The following RIMS2 variants were observed in gnomAD, a reference collection of about 807,000 sequenced individuals.
The protein encoded by RIMS2 is regulating synaptic membrane exocytosis protein 2.
A neutral mutation model predicts 174.4 loss-of-function variants in RIMS2; 59 were observed. The ratio of observed to expected loss-of-function variants is 0.34; its 90% CI spans 0.27 to 0.42. The LOEUF (loss-of-function observed/expected upper bound fraction) is 0.42. Among genes scored for constraint, RIMS2 ranks in the 10% least tolerant of loss-of-function variants. The pLI is 1.00. For synonymous variants in RIMS2, 606 were observed against 572.5 expected (o/e 1.06, Z -0.84); for missense variants, 1,620 against 1,666.3 (o/e 0.97, Z 0.48).
intron 19 of RIMS2, among the ~76,000 whole-genome samples, chr8:104,031,651 C>A (rs1177156177): frequency 6.6e-6 from 1 of 151,970 alleles, no homozygotes; most frequent in African/African-American, 2.4e-5. Context: ...TTCTGATAAG[C>A]CCTGATTATT....
chr8:103,884,920 G>A (rs952609737), intron 3 of RIMS2, among the ~76,000 whole-genome samples: 1 of 151,804 alleles, frequency 6.6e-6, no homozygotes, highest in Admixed American at 6.6e-5. Flanking sequence ...CAGCATGTTA[G>A]GTATAGAGAA....
At chr8:103,701,771 T>G (rs967652085) in intron 2 of RIMS2, among the ~76,000 whole-genome samples, 1 of 152,136 alleles carries the variant, frequency 6.6e-6, no homozygotes, top group Non-Finnish European at 1.5e-5. Flanking sequence ...AATTTTATTC[T>G]TTTTTAGGGC....
At chr8:104,248,880 T>G in intron 21 of RIMS2, 67 bp downstream of exon 27, 1 of 900,954 alleles carries the variant, frequency 1.1e-6, no homozygotes, top group Non-Finnish European at 1.8e-6. Context: ...TTCTCTAAAT[T>G]TCATAGAATC....
At chr8:104,179,250 C>T (rs372475655) in intron 19 of RIMS2, among the ~76,000 whole-genome samples, 2 of 151,880 alleles carry the variant, frequency 1.3e-5, no homozygotes, top group Non-Finnish European at 2.9e-5. Flanking sequence ...ATTCTTATTT[C>T]GAGGACAGCA....
At chr8:104,154,200 C>G (rs1392821080) in intron 19 of RIMS2, among the ~76,000 whole-genome samples, 2 of 152,116 alleles carry the variant, frequency 1.3e-5, no homozygotes, top group African/African-American at 4.8e-5. Flanking sequence ...AATAAATTCC[C>G]CAAATTTACC....
intron 19 of RIMS2, among the ~76,000 whole-genome samples, chr8:104,053,975 AC>A (rs1566057414): frequency 6.6e-6 from 1 of 152,172 alleles, no homozygotes; most frequent in Non-Finnish European, 1.5e-5. Flanking sequence ...TCCATGGAGA[AC>A]AACTCACTCT....
intron 3 of RIMS2, among the ~76,000 whole-genome samples, chr8:103,802,819 G>T (rs2098622190): frequency 6.6e-6 from 1 of 152,162 alleles, no homozygotes; most frequent in African/African-American, 2.4e-5. Context: ...AGCAGAAATA[G>T]TCTTTTCAAA....
intron 19 of RIMS2, chr8:104,223,912 G>T: frequency 1.3e-6 from 1 of 795,354 alleles, no homozygotes; most frequent in Non-Finnish European, 2.0e-6. Context: ...CTGCTCTCCG[G>T]GACTGTGCCG....
intron 1 of RIMS2, among the ~76,000 whole-genome samples, chr8:103,590,555 G>T (rs1255242492): frequency 6.6e-6 from 1 of 151,030 alleles, no homozygotes; most frequent in African/African-American, 2.4e-5. Context: ...AAAGTTGAAA[G>T]AATTTTATAG....
chr8:103,812,884 A>G (rs1411514721), intron 3 of RIMS2, among the ~76,000 whole-genome samples: 1 of 152,204 alleles, frequency 6.6e-6, no homozygotes, highest in Non-Finnish European at 1.5e-5. Context: ...TGTTCTCTGG[A>G]CTGTCTTTCT....
chr8:103,908,443 G>T (rs2074976504), intron 4 of RIMS2, among the ~76,000 whole-genome samples: 1 of 152,084 alleles, frequency 6.6e-6, no homozygotes, highest in Non-Finnish European at 1.5e-5. Context: ...TACATTCTCA[G>T]ATGTACATTT....
In RIMS2 at chr8:103,920,653, A is replaced by C. The variant is rs138032224; in HGVS notation, c.2084-1019A>C. On this transcript the variant is annotated intron_variant, in intron 9 of 23. Transcript: ENST00000504942. The stretch of plus-strand genomic sequence containing the variant: ...GATGTCCCAGAGGTGTTGTAGGTTC[A>C]CTGTGTTCCCAATTAAGTTTTTATA... The C allele has an allele frequency of 1.4e-3, 662 of 457,172 alleles. 3 individuals are homozygous for C. The highest frequency in any genetic ancestry group is 0.012 in the African/African-American group (590 of 50,132). The allele number at this position is 457,172 out of a possible 1,614,324, so 28.3% of individuals were successfully genotyped here.
chr8:104,174,186 A>T (rs571528631), intron 19 of RIMS2, among the ~76,000 whole-genome samples: 1 of 152,188 alleles, frequency 6.6e-6, no homozygotes, highest in African/African-American at 2.4e-5. Context: ...ACCTCAGGTG[A>T]TCCATCCGCT....
rs904083615 is a variant in RIMS2 at position 104,085,547 on chromosome 8, G to T, written c.3334+70932G>T. Among the ~76,000 whole-genome samples the T allele has an allele frequency of 2.6e-5, 4 of 152,252 alleles. No individual in the cohort carries two copies. In the South Asian group the frequency reaches 6.2e-4, roughly 24 times the overall value. ...ATTCTTTTAATAAAGACCAAAGTGG[G>T]AGAGGGAATATTGCGTAGGCATTCA... On this transcript the variant is annotated intron_variant, in intron 19 of 23. Coordinates refer to ENST00000504942, the Ensembl canonical transcript of RIMS2.
At chr8:103,666,375 A>G (rs1439726475) in intron 1 of RIMS2, among the ~76,000 whole-genome samples, 1 of 152,160 alleles carries the variant, frequency 6.6e-6, no homozygotes, top group Non-Finnish European at 1.5e-5. Context: ...AGCCTAATTT[A>G]ACAATTCCCT....
At chr8:103,551,636 A>G (rs953080602) in intron 1 of RIMS2, among the ~76,000 whole-genome samples, 12 of 152,194 alleles carry the variant, frequency 7.9e-5, no homozygotes, top group Non-Finnish European at 1.5e-4. Flanking sequence ...AGGGTATTCA[A>G]TTAGGAAAAG....
chr8:103,625,113 G>C (rs1378826644), intron 1 of RIMS2, among the ~76,000 whole-genome samples: 4 of 152,030 alleles, frequency 2.6e-5, no homozygotes, highest in African/African-American at 9.7e-5. Flanking sequence ...AGTGTTTTTA[G>C]GGGGAAGGAG....
chr8:103,697,322 C>T (rs542785739), intron 2 of RIMS2, 26 bp downstream of exon 4: 78 of 1,502,656 alleles, frequency 5.2e-5, no homozygotes, highest in Admixed American at 1.5e-4. Flanking sequence ...TTACAGTTCT[C>T]TTCTAGTTAA....
In RIMS2 at chr8:104,076,851, C is replaced by G. The variant is rs1318321252; in HGVS notation, c.3334+62236C>G. Among the ~76,000 whole-genome samples, 3 of 148,598 alleles carry G rather than the reference C, an allele frequency of 2.0e-5. No homozygotes were observed. The East Asian group carries it at 5.9e-4, about 29-fold the overall frequency. ...TTTTTTTTTTTTACATAGTCTCGCT[C>G]TGTTGCTCAGGCTGGAGAGCAGTGG... On this transcript the variant is annotated intron_variant, in intron 19 of 23. Coordinates refer to ENST00000504942, the Ensembl canonical transcript of RIMS2.
Sources: gnomAD v4.1 joint callset for allele counts (sites outside exome capture counted in the v4.1 genomes callset) on GRCh38, gnomAD v4.1.1 for gene constraint, MANE v1.5 for transcripts, NCBI Gene and HGNC (gene_info 2026-07-23, HGNC 2026-07-21) for gene names.